KIF26B: variants seen among roughly 807,000 people sequenced by gnomAD.
KIF26B encodes the protein kinesin-like protein KIF26B.
A neutral mutation model predicts 151.2 loss-of-function variants in KIF26B; 63 were observed. That is an observed-to-expected ratio of 0.42 (90% CI 0.34 to 0.51). KIF26B has a LOEUF of 0.51. KIF26B is among the 20% of genes least tolerant of loss of function. The pLI is 0.07. For synonymous variants in KIF26B, 1,357 were observed against 1,262.1 expected, an observed-to-expected ratio of 1.08 and a Z score of -1.59; for missense variants, 2,813 against 2,913.6, an observed-to-expected ratio of 0.97 and a Z score of 0.79.
chr1:245,365,251 C>T (rs1239828355), intron 2 of KIF26B, among the ~76,000 whole-genome samples: 1 of 152,306 alleles, frequency 6.6e-6, no homozygotes, highest in South Asian at 2.1e-4. Flanking sequence ...ACTTCCTCAA[C>T]CAGACTCGCT....
At position 245,320,663 on chromosome 1, in the gene KIF26B, G is replaced by T. The variant is rs561799731; in HGVS notation, c.466-46171G>T. 1.3e-4 allele frequency among the ~76,000 whole-genome samples: 20 copies of T among 152,066 alleles called. No individual in the cohort carries two copies. The South Asian group carries it at 3.3e-3, about 25-fold the overall frequency. On this transcript the variant is annotated intron_variant, in intron 2 of 14. Transcript: ENST00000407071. The stretch of plus-strand genomic sequence containing the variant: ...AATCTAACTGGTTTTTTTTGTTGTT[G>T]TTTTTGTTTTGTTTTATTTATTTAT...
At chr1:245,303,010 A>AAAAAG (rs1553342657) in intron 2 of KIF26B, among the ~76,000 whole-genome samples, 2 of 149,178 alleles carry the variant, frequency 1.3e-5, no homozygotes, top group African/African-American at 4.9e-5. Flanking sequence ...AAAAAAAAAA[A>AAAAAG]AAAGAAAGAA....
intron 2 of KIF26B, among the ~76,000 whole-genome samples, chr1:245,323,458 G>A (rs542924023): frequency 1.1e-4 from 16 of 152,328 alleles, no homozygotes; most frequent in Non-Finnish European, 1.9e-4. Flanking sequence ...TTATGAACAA[G>A]TTTGGAAAAA....
intron 4 of KIF26B, among the ~76,000 whole-genome samples, chr1:245,434,526 C>G (rs1022534144): frequency 6.6e-6 from 1 of 152,180 alleles, no homozygotes; most frequent in African/African-American, 2.4e-5. Context: ...TCTTCCCCCA[C>G]TCCTTGCCAC....
At chr1:245,200,182 C>T (rs1033837815) in intron 2 of KIF26B, among the ~76,000 whole-genome samples, 1 of 152,120 alleles carries the variant, frequency 6.6e-6, no homozygotes, top group African/African-American at 2.4e-5. Context: ...TTCCCAAATC[C>T]CATTTCTCTC....
chr1:245,288,885 G>A (rs1408818721), intron 2 of KIF26B, among the ~76,000 whole-genome samples: 3 of 151,998 alleles, frequency 2.0e-5, no homozygotes, highest in Non-Finnish European at 4.4e-5. Flanking sequence ...TCAAGGAAGG[G>A]AGTTTTTACT....
intron 10 of KIF26B, among the ~76,000 whole-genome samples, chr1:245,657,502 G>A (rs12097186): frequency 0.088 from 13,367 of 152,108 alleles, 1,864 homozygotes; most frequent in African/African-American, 0.3. Context: ...CCTTTAAAAT[G>A]CAAATCTGAT....
intron 10 of KIF26B, among the ~76,000 whole-genome samples, chr1:245,674,155 A>G (rs2147943671): frequency 6.6e-6 from 1 of 152,332 alleles, no homozygotes; most frequent in South Asian, 2.1e-4. Context: ...TTATAATGCA[A>G]CATAACTGAG....
intron 7 of KIF26B, 138 bp from the exon 8 acceptor site, chr1:245,609,128 T>C (rs1284357827): frequency 1.3e-6 from 1 of 752,936 alleles, no homozygotes; most frequent in South Asian, 2.6e-5. Context: ...ACTATTTCTC[T>C]CATCTTTTTG....
rs190997027 is a variant in KIF26B at position 245,189,633 on chromosome 1, C to T, written c.465+32950C>T. ...GGGGCTCCTAAATTAGAGGTAAGCC[C>T]CCTACCACCTGTGTGATCCCCCAGA... On this transcript the variant is annotated intron_variant, in intron 2 of 14. Coordinates refer to ENST00000407071, the MANE Select transcript of KIF26B (RefSeq NM_018012.4). Among the ~76,000 whole-genome samples, 9 of 152,232 alleles carry T rather than the reference C, an allele frequency of 5.9e-5. No homozygotes were observed. In the South Asian group the frequency reaches 1.7e-3, roughly 28 times the overall value.
intron 4 of KIF26B, among the ~76,000 whole-genome samples, chr1:245,444,589 A>G (rs552844754): frequency 6.6e-6 from 1 of 152,248 alleles, no homozygotes; most frequent in Non-Finnish European, 1.5e-5. Context: ...TGGTGTTTTC[A>G]TCACTGAGTT....
At chr1:245,553,326 G>C (rs1572122752) in intron 5 of KIF26B, among the ~76,000 whole-genome samples, 1 of 152,130 alleles carries the variant, frequency 6.6e-6, no homozygotes, top group Admixed American at 6.5e-5. Flanking sequence ...CTCTCTATAG[G>C]CACCTTATGT....
At chr1:245,331,443 A>G (rs1410126869) in intron 2 of KIF26B, among the ~76,000 whole-genome samples, 4 of 152,210 alleles carry the variant, frequency 2.6e-5, no homozygotes, top group African/African-American at 9.6e-5. Context: ...GAAAACGCGG[A>G]TCTGAAAATG....
At chr1:245,435,059 CCA>C (rs1287242116) in intron 4 of KIF26B, among the ~76,000 whole-genome samples, 13 of 36,272 alleles carry the variant, frequency 3.6e-4, no homozygotes, top group Non-Finnish European at 6.2e-4. Flanking sequence ...ATCTCTCCAT[CCA>C]TCCATCCATC....
chr1:245,345,438 C>T (rs1026019464), intron 2 of KIF26B, among the ~76,000 whole-genome samples: 1 of 152,212 alleles, frequency 6.6e-6, no homozygotes, highest in Non-Finnish European at 1.5e-5. Context: ...CCCTCCGCAC[C>T]TCTCTCCTAC....
chr1:245,364,716 G>A (rs1420181820), intron 2 of KIF26B, among the ~76,000 whole-genome samples: 3 of 152,070 alleles, frequency 2.0e-5, no homozygotes, highest in Admixed American at 6.6e-5. Context: ...CACCGCGCCC[G>A]GCTGAAATGA....
chr1:245,368,095 C>T (rs1673006816), intron 3 of KIF26B, among the ~76,000 whole-genome samples: 1 of 152,168 alleles, frequency 6.6e-6, no homozygotes, highest in Non-Finnish European at 1.5e-5. Flanking sequence ...CTGTCTATAC[C>T]TTCCAAAAGA....
intron 2 of KIF26B, among the ~76,000 whole-genome samples, chr1:245,264,970 C>A (rs1345906298): frequency 6.6e-6 from 1 of 151,292 alleles, no homozygotes; most frequent in African/African-American, 2.4e-5. Context: ...GAGGCCGAGG[C>A]GGGCAGATCA....
chr1:245,228,998 G>A (rs1202702840), intron 2 of KIF26B, among the ~76,000 whole-genome samples: 1 of 152,044 alleles, frequency 6.6e-6, no homozygotes. Flanking sequence ...ACAGGGTCTC[G>A]TTCTGTTGCC....
Sources: gnomAD v4.1 joint callset for allele counts (sites outside exome capture counted in the v4.1 genomes callset) on GRCh38, gnomAD v4.1.1 for gene constraint, MANE v1.5 for transcripts, NCBI Gene and HGNC (gene_info 2026-07-23, HGNC 2026-07-21) for gene names.